Variants in TMEM245 observed in about 807,000 individuals in gnomAD.
TMEM245 encodes the protein protein CG-2.
Under a neutral mutation model 101.2 loss-of-function variants are expected in TMEM245, and 69 were observed. That is an observed-to-expected ratio of 0.68 (90% confidence interval 0.56 to 0.83). The LOEUF (loss-of-function observed/expected upper bound fraction) is 0.83. Ranked by LOEUF, TMEM245 falls within the 40% of genes least tolerant of loss-of-function variation. The pLI is 0.00. For synonymous variants in TMEM245, 537 were observed against 449.8 expected, an observed-to-expected ratio of 1.19 and a Z score of -2.45; for missense variants, 1,075 against 1,092.8, an observed-to-expected ratio of 0.98 and a Z score of 0.23.
intron 9 of TMEM245, among the ~76,000 whole-genome samples, chr9:109,068,802 T>C (rs1311195625): frequency 2.6e-5 from 4 of 152,210 alleles, no homozygotes; most frequent in Admixed American, 2.6e-4. Flanking sequence ...ATTTACGTAT[T>C]ATTCTCAAAA....
At position 109,073,615 on chromosome 9, in the gene TMEM245, G is replaced by A. The variant is rs148422237; in HGVS notation, c.1450-177C>T. On this transcript the variant is annotated intron_variant, in intron 8 of 17. Coordinates refer to ENST00000374586, the MANE Select transcript of TMEM245 (RefSeq NM_032012.4). The stretch of plus-strand genomic sequence containing the variant: ...TACTATACATTATATCTAATGATAC[G>A]CACTACGGGAAATAAAAAGTACATG... 8.9e-3 allele frequency among the ~76,000 whole-genome samples: 1,348 copies of A among 152,162 alleles called. 10 individuals are homozygous for A. Among genetic ancestry groups the A allele is most frequent in the Non-Finnish European group, 0.013 (891 of 68,018 alleles).
intron 1 of TMEM245, among the ~76,000 whole-genome samples, chr9:109,110,807 A>G (rs1029248488): frequency 6.6e-6 from 1 of 152,240 alleles, no homozygotes; most frequent in Non-Finnish European, 1.5e-5. Context: ...AGATTAAACT[A>G]TATGAAAAGA....
At chr9:109,117,778 G>T (rs536523764) in intron 1 of TMEM245, among the ~76,000 whole-genome samples, 2 of 152,244 alleles carry the variant, frequency 1.3e-5, no homozygotes, top group Non-Finnish European at 1.5e-5. Flanking sequence ...TCCTTGAGCA[G>T]TATCAACAGT....
chr9:109,057,713 G>A (rs1828881521), intron 11 of TMEM245, among the ~76,000 whole-genome samples: 1 of 151,750 alleles, frequency 6.6e-6, no homozygotes. Flanking sequence ...AATGTACCAC[G>A]GCACTCCAGC....
At chr9:109,034,373 C>T (rs778076631) in intron 16 of TMEM245, among the ~76,000 whole-genome samples, 11 of 152,108 alleles carry the variant, frequency 7.2e-5, no homozygotes, top group Admixed American at 2.6e-4. Context: ...CTTTCTCATT[C>T]CAAAAAAATG....
chr9:109,091,385 T>C (rs887359988), intron 4 of TMEM245, among the ~76,000 whole-genome samples: 3 of 152,220 alleles, frequency 2.0e-5, no homozygotes, highest in African/African-American at 7.2e-5. Context: ...ACTAAGTTAG[T>C]TGGTGATAGA....
chr9:109,070,503 C>T (rs1829299894), intron 9 of TMEM245, among the ~76,000 whole-genome samples: 1 of 152,212 alleles, frequency 6.6e-6, no homozygotes. Flanking sequence ...TCCTGTTCAC[C>T]TCCACTGAAA....
Position 109,057,332 on chromosome 9 carries a change from A to T in TMEM245, c.1723-10T>A. 1 of 1,610,898 alleles carries T rather than the reference A, an allele frequency of 6.2e-7. No homozygotes were observed. The highest frequency in any genetic ancestry group is 8.5e-7 in the Non-Finnish European group (1 of 1,178,226). ...CAGAGTGTGTTACATTCTATGGAAT[A>T]AAACAGTGCAGACATGAAATTCCCA... On this transcript the variant is annotated splice_polypyrimidine_tract_variant and intron_variant, in intron 11 of 17. Coordinates refer to ENST00000374586, the MANE Select transcript of TMEM245 (RefSeq NM_032012.4).
At chr9:109,072,433 C>T (rs1417654881) in intron 9 of TMEM245, among the ~76,000 whole-genome samples, 1 of 152,228 alleles carries the variant, frequency 6.6e-6, no homozygotes, top group Non-Finnish European at 1.5e-5. Context: ...TCACCCTGAA[C>T]ATCTGCTTTT....
At chr9:109,081,391 A>G (rs1829662689) in intron 7 of TMEM245, among the ~76,000 whole-genome samples, 1 of 152,232 alleles carries the variant, frequency 6.6e-6, no homozygotes, top group East Asian at 1.9e-4. Flanking sequence ...GGCATGGACT[A>G]AAAAATACAG....
chr9:109,038,414 TTCA>T (rs1828204921), intron 14 of TMEM245: 1 of 200,920 alleles, frequency 5.0e-6, no homozygotes, highest in Non-Finnish European at 9.9e-6. Context: ...TCTGAAATAA[TTCA>T]TCAACTTTTC....
In TMEM245 at chr9:109,052,090, T is replaced by C. The variant is rs569404506; in HGVS notation, c.1855-1398A>G. On this transcript the variant is annotated intron_variant, in intron 12 of 17. Transcript: ENST00000374586. ...ATATTAATAAAGGAGAGGTACAATA[T>C]TTATAGCATACCTGCACATTTCATT... 2.0e-5 allele frequency among the ~76,000 whole-genome samples: 3 copies of C among 152,290 alleles called. No homozygotes were observed. The South Asian group carries it at 6.2e-4, about 32-fold the overall frequency.
chr9:109,041,979 A>C (rs1296299603), intron 14 of TMEM245, among the ~76,000 whole-genome samples: 1 of 152,106 alleles, frequency 6.6e-6, no homozygotes, highest in African/African-American at 2.4e-5. Context: ...TAACCACAAA[A>C]AATTAGCCAG....
chr9:109,073,910 G>GT (rs1829416436), intron 8 of TMEM245, among the ~76,000 whole-genome samples: 1 of 143,640 alleles, frequency 7.0e-6, no homozygotes, highest in Admixed American at 7.3e-5. Flanking sequence ...AGGCTTGCTG[G>GT]TGTGTAGTGG....
intron 17 of TMEM245, among the ~76,000 whole-genome samples, chr9:109,029,290 C>G (rs2132295225): frequency 6.6e-6 from 1 of 152,198 alleles, no homozygotes; most frequent in East Asian, 1.9e-4. Context: ...TGAAACAACT[C>G]AAGAAAAATG....
chr9:109,061,623 G>C (rs1389099961), intron 10 of TMEM245, among the ~76,000 whole-genome samples: 2 of 152,046 alleles, frequency 1.3e-5, no homozygotes, highest in African/African-American at 4.8e-5. Flanking sequence ...CTGAAGTGCA[G>C]TGGCGCGATC....
intron 12 of TMEM245, among the ~76,000 whole-genome samples, chr9:109,052,872 A>T (rs1253700892): frequency 1.3e-5 from 2 of 152,212 alleles, no homozygotes; most frequent in African/African-American, 4.8e-5. Flanking sequence ...GTAATTCTTA[A>T]GAAATTAACT....
intron 7 of TMEM245, among the ~76,000 whole-genome samples, chr9:109,082,650 ATTTT>A (rs78965338): frequency 4.0e-5 from 6 of 149,696 alleles, no homozygotes; most frequent in African/African-American, 1.5e-4. Context: ...TAGAGCCTCT[ATTTT>A]TTTTTTTTCA....
intron 9 of TMEM245, among the ~76,000 whole-genome samples, chr9:109,069,401 G>A (rs1047487735): frequency 6.6e-6 from 1 of 152,116 alleles, no homozygotes; most frequent in Admixed American, 6.5e-5. Flanking sequence ...CTAGATCCCA[G>A]GTGGCTCCTT....
Sources: gnomAD v4.1 joint callset for allele counts (sites outside exome capture counted in the v4.1 genomes callset) on GRCh38, gnomAD v4.1.1 for gene constraint, MANE v1.5 for transcripts, NCBI Gene and HGNC (gene_info 2026-07-23, HGNC 2026-07-21) for gene names.